CHRNA7: variants seen among roughly 807,000 people sequenced by gnomAD.
The protein encoded by CHRNA7 is cholinergic receptor nicotinic alpha 7 subunit.
In CHRNA7, 17 loss-of-function variants were observed where a neutral mutation model predicts 48.0. The observed-to-expected ratio is 0.35, with a 90% CI of 0.24 to 0.53. The LOEUF (loss-of-function observed/expected upper bound fraction) is 0.53. Among genes scored for constraint, CHRNA7 ranks in the 20% least tolerant of loss-of-function variants. The pLI is 0.92. For synonymous variants in CHRNA7, 75 were observed against 242.3 expected, an observed-to-expected ratio of 0.31 and a Z score of 6.41; for missense variants, 155 against 577.7, an observed-to-expected ratio of 0.27 and a Z score of 7.50.
At chr15:32,061,008 C>A (rs2049870224) in intron 2 of CHRNA7, among the ~76,000 whole-genome samples, 1 of 152,186 alleles carries the variant, frequency 6.6e-6, no homozygotes, top group Non-Finnish European at 1.5e-5. Context: ...GCTTTGGATT[C>A]ATCACAAGAG....
At chr15:32,130,700 C>T (rs968185611) in intron 4 of CHRNA7, among the ~76,000 whole-genome samples, 1 of 151,740 alleles carries the variant, frequency 6.6e-6, no homozygotes, top group Non-Finnish European at 1.5e-5. Context: ...CTTGATATTA[C>T]ATTTTATGTA....
chr15:32,131,821 C>A lies in CHRNA7; in HGVS notation c.350+19922C>A, dbSNP rs182206734. 9.2e-5 allele frequency among the ~76,000 whole-genome samples: 14 copies of A among 152,282 alleles called. No individual in the cohort carries two copies. In the East Asian group the frequency reaches 2.7e-3, roughly 29 times the overall value. On this transcript the variant is annotated intron_variant, in intron 4 of 9. Coordinates refer to ENST00000306901, the MANE Select transcript of CHRNA7 (RefSeq NM_000746.6). ...TCAGTGTTCCTTTTCACTAGACCTC[C>A]TCTGACACTGTGCTAGCAGAGGAGG...
Position 32,089,455 on chromosome 15 carries a change from A to G in CHRNA7, c.196-11848A>G, listed in dbSNP as rs183063677. Reference sequence around the variant, plus strand: ...TTTCTTTTGAAACTTTACAAGGCTTAAATTTCATTTAACTTACATTTTTGA... The same window carrying G: ...TTTCTTTTGAAACTTTACAAGGCTTGAATTTCATTTAACTTACATTTTTGA... On this transcript the variant is annotated intron_variant, in intron 2 of 9. Transcript: ENST00000306901. 3.7e-3 allele frequency among the ~76,000 whole-genome samples: 567 copies of G among 152,272 alleles called. 4 individuals are homozygous for G. Among genetic ancestry groups the G allele is most frequent in the African/African-American group, 0.013 (533 of 41,554 alleles).
At chr15:32,060,702 A>C (rs1029862922) in intron 2 of CHRNA7, among the ~76,000 whole-genome samples, 3 of 152,220 alleles carry the variant, frequency 2.0e-5, no homozygotes, top group Non-Finnish European at 2.9e-5. Flanking sequence ...TTAAATCACA[A>C]ATTCTCAGAC....
chr15:32,106,775 C>T (rs190598586), intron 3 of CHRNA7, among the ~76,000 whole-genome samples: 2 of 152,296 alleles, frequency 1.3e-5, no homozygotes, highest in Admixed American at 6.5e-5. Flanking sequence ...CCCAGCCTTC[C>T]TGGGTCCTTC....
intron 2 of CHRNA7, among the ~76,000 whole-genome samples, chr15:32,073,325 T>C (rs1347775513): frequency 1.3e-5 from 2 of 152,178 alleles, no homozygotes; most frequent in African/African-American, 4.8e-5. Context: ...CCTTTAGGAA[T>C]GGGAATGTTT....
chr15:32,077,929 C>G (rs2050159378), intron 2 of CHRNA7, among the ~76,000 whole-genome samples: 1 of 152,146 alleles, frequency 6.6e-6, no homozygotes, highest in Admixed American at 6.5e-5. Flanking sequence ...AGTACCAAGC[C>G]ATTCATGAGG....
intron 4 of CHRNA7, among the ~76,000 whole-genome samples, chr15:32,143,765 T>G (rs1384570510): frequency 1.3e-5 from 2 of 152,324 alleles, no homozygotes; most frequent in African/African-American, 4.8e-5. Context: ...GCATTCCATT[T>G]GCTTGGTAGA....
chr15:32,126,977 T>C (rs372469778), intron 4 of CHRNA7, among the ~76,000 whole-genome samples: 1 of 152,196 alleles, frequency 6.6e-6, no homozygotes, highest in Non-Finnish European at 1.5e-5. Flanking sequence ...TATTGATTCA[T>C]GTAGCCACCA....
At chr15:32,156,658 G>T (rs2141373388) in intron 5 of CHRNA7, 1 of 69,506 alleles carries the variant, frequency 1.4e-5, no homozygotes, top group Admixed American at 1.5e-4. Context: ...ACCTGTCCTA[G>T]CCTGGAATAG....
intron 4 of CHRNA7, among the ~76,000 whole-genome samples, chr15:32,114,111 C>T (rs1035056251): frequency 1.5e-4 from 22 of 145,944 alleles, no homozygotes; most frequent in African/African-American, 4.8e-4. Context: ...TATACACACA[C>T]ACATACATAC....
chr15:32,148,707 G>T (rs2051546944), intron 4 of CHRNA7, among the ~76,000 whole-genome samples: 1 of 152,200 alleles, frequency 6.6e-6, no homozygotes, highest in Admixed American at 6.5e-5. Context: ...CTGCCTGGGG[G>T]GCCAAGCAGT....
At chr15:32,101,469 C>T in intron 3 of CHRNA7, 122 bp downstream of exon 3, 1 of 1,057,450 alleles carries the variant, frequency 9.5e-7, no homozygotes, top group Non-Finnish European at 1.4e-6. Flanking sequence ...ACCAAAAAAA[C>T]AAAAGGCCAT....
At chr15:32,118,133 A>G (rs550275468) in intron 4 of CHRNA7, among the ~76,000 whole-genome samples, 2 of 152,284 alleles carry the variant, frequency 1.3e-5, no homozygotes, top group East Asian at 3.9e-4. Flanking sequence ...TAACTTGATA[A>G]GAAGAGGAAG....
intron 2 of CHRNA7, among the ~76,000 whole-genome samples, chr15:32,098,405 C>T (rs1027883521): frequency 8.5e-5 from 13 of 152,118 alleles, no homozygotes; most frequent in African/African-American, 2.2e-4. Context: ...GGAGAAGACA[C>T]GGCACCTGCA....
At chr15:32,088,056 A>C (rs1287317223) in intron 2 of CHRNA7, among the ~76,000 whole-genome samples, 3 of 152,258 alleles carry the variant, frequency 2.0e-5, no homozygotes, top group Non-Finnish European at 4.4e-5. Flanking sequence ...AATATGATAC[A>C]GAATTCTCTG....
chr15:32,075,868 T>G (rs1433005699), intron 2 of CHRNA7, among the ~76,000 whole-genome samples: 1 of 152,056 alleles, frequency 6.6e-6, no homozygotes, highest in Non-Finnish European at 1.5e-5. Context: ...TTGCTTTCTA[T>G]CTCACAAATT....
chr15:32,032,489 A>C (rs967536515), intron 2 of CHRNA7, among the ~76,000 whole-genome samples: 2 of 152,218 alleles, frequency 1.3e-5, no homozygotes, highest in African/African-American at 2.4e-5. Context: ...AAGAATATGG[A>C]AACAACTTGA....
intron 2 of CHRNA7, among the ~76,000 whole-genome samples, chr15:32,056,891 A>T (rs1037944859): frequency 6.6e-6 from 1 of 152,224 alleles, no homozygotes; most frequent in African/African-American, 2.4e-5. Context: ...AGGCAAATTC[A>T]ATTTAGCAGA....
Sources: gnomAD v4.1 joint callset for allele counts (sites outside exome capture counted in the v4.1 genomes callset) on GRCh38, gnomAD v4.1.1 for gene constraint, MANE v1.5 for transcripts, NCBI Gene and HGNC (gene_info 2026-07-23, HGNC 2026-07-21) for gene names.